The following USP32 variants were observed in gnomAD, a reference collection of about 807,000 sequenced individuals.
USP32 encodes ubiquitin carboxyl-terminal hydrolase 32.
USP32 carries 59 observed loss-of-function variants against 204.8 expected under a neutral mutation model. The ratio of observed to expected loss-of-function variants is 0.29; its 90% CI spans 0.23 to 0.36. USP32 has a LOEUF of 0.36. Among genes scored for constraint, USP32 ranks in the 10% least tolerant of loss-of-function variants. The probability of loss-of-function intolerance (pLI) is 1.00; values close to 1 mark genes in which losing one functional copy is unlikely to be tolerated. For missense variants in USP32, 1,160 were observed against 1,946.4 expected, an observed-to-expected ratio of 0.60 and a Z score of 7.60; for synonymous variants, 517 against 678.4, an observed-to-expected ratio of 0.76 and a Z score of 3.70.
intron 2 of USP32, chr17:60,316,116 C>T: frequency 4.0e-6 from 1 of 247,366 alleles, no homozygotes; most frequent in South Asian, 4.4e-5. Context: ...TGATGGTTGG[C>T]CTTTTTGAAG....
chr17:60,352,689 G>A (rs1361586540), intron 1 of USP32, among the ~76,000 whole-genome samples: 2 of 152,204 alleles, frequency 1.3e-5, no homozygotes, highest in African/African-American at 4.8e-5. Flanking sequence ...CAGAATGGAG[G>A]TATAAAGACC....
intron 5 of USP32, among the ~76,000 whole-genome samples, chr17:60,286,642 A>G (rs2087120690): frequency 6.6e-6 from 1 of 152,218 alleles, no homozygotes; most frequent in African/African-American, 2.4e-5. Context: ...GCCCTGAGAA[A>G]TAAGTAATGT....
chr17:60,314,574 AG>A (rs2087930151), intron 2 of USP32, among the ~76,000 whole-genome samples: 1 of 152,068 alleles, frequency 6.6e-6, no homozygotes, highest in South Asian at 2.1e-4. Context: ...GGGGGAGGAA[AG>A]GAGAGAAAAT....
At position 60,178,058 on chromosome 17, in the gene USP32, C is replaced by T. The variant is rs1185624051; in HGVS notation, c.*1197G>A. On this transcript the variant is annotated 3_prime_UTR_variant, in exon 34 of 34. Transcript: ENST00000300896. ...GAAGTAAGCAAAGAAACATAACTTT[C>T]GATGACTACTGTAAAATTTAAAAAA... 1.3e-5 allele frequency among the ~76,000 whole-genome samples: 2 copies of T among 151,970 alleles called. No homozygotes were observed. Among genetic ancestry groups the T allele is most frequent in the African/African-American group, 2.4e-5 (1 of 41,346 alleles).
Position 60,255,129 on chromosome 17 carries a change from T to C in USP32, c.1074+46A>G, listed in dbSNP as rs747515328. On this transcript the variant is annotated intron_variant, in intron 10 of 33. Coordinates refer to ENST00000300896, the MANE Select transcript of USP32 (RefSeq NM_032582.4). ...CTATATGATGGAAAAGATGTAGAAG[T>C]ACTGGTACTACTACCCTCTGTTGCT... The C allele has an allele frequency of 3.6e-6, 5 of 1,403,500 alleles. No homozygotes were observed. In the African/African-American group the frequency reaches 5.7e-5, roughly 16 times the overall value. The allele number at this position is 1,403,500 out of a possible 1,614,324, so 86.9% of individuals were successfully genotyped here.
At chr17:60,339,104 T>C (rs1188875686) in intron 2 of USP32, among the ~76,000 whole-genome samples, 6 of 150,838 alleles carry the variant, frequency 4.0e-5, no homozygotes, top group Non-Finnish European at 7.4e-5. Context: ...CAGATGGGGG[T>C]TTCACCATGT....
intron 2 of USP32, among the ~76,000 whole-genome samples, chr17:60,309,750 T>C (rs1311258197): frequency 1.3e-5 from 2 of 151,880 alleles, no homozygotes; most frequent in Non-Finnish European, 2.9e-5. Flanking sequence ...ACCCATTATA[T>C]CGAAAAGCAG....
At chr17:60,277,283 A>T (rs2086862474) in intron 5 of USP32, among the ~76,000 whole-genome samples, 1 of 152,222 alleles carries the variant, frequency 6.6e-6, no homozygotes, top group Non-Finnish European at 1.5e-5. Context: ...TGCAGACAAC[A>T]ACTCTTTAAT....
chr17:60,225,697 T>C (rs1029023098), intron 13 of USP32, among the ~76,000 whole-genome samples: 3 of 152,134 alleles, frequency 2.0e-5, no homozygotes, highest in African/African-American at 4.8e-5. Context: ...CTCACGCCTG[T>C]AATCCCAGCA....
intron 1 of USP32, among the ~76,000 whole-genome samples, chr17:60,409,535 TA>T (rs1454607441): frequency 1.3e-5 from 2 of 152,150 alleles, no homozygotes; most frequent in Non-Finnish European, 2.9e-5. Flanking sequence ...TCTATTGCAG[TA>T]AAAAATTACC....
chr17:60,268,407 TAA>T (rs35476884), intron 7 of USP32, among the ~76,000 whole-genome samples: 50 of 138,434 alleles, frequency 3.6e-4, no homozygotes, highest in African/African-American at 7.6e-4. Context: ...TATCTCTATT[TAA>T]AAAAAAAAAA....
Position 60,269,321 on chromosome 17 carries a change from G to A in USP32, c.811+129C>T, listed in dbSNP as rs539167181. On this transcript the variant is annotated intron_variant, in intron 7 of 33. Transcript: ENST00000300896. ...TGACCTCAGTAAAACCCTAACATGA[G>A]ATTAATATTTGTTAATCTGACAAAG... is the stretch of plus-strand genomic sequence containing the variant. 278 of 684,896 alleles carry A rather than the reference G, an allele frequency of 4.1e-4. 9 individuals are homozygous for A. The South Asian group carries it at 5.0e-3, about 12-fold the overall frequency. 42.4% of individuals were successfully genotyped at this position (684,896 alleles called of 1,614,324 possible).
At chr17:60,330,037 C>T (rs532508884) in intron 2 of USP32, among the ~76,000 whole-genome samples, 1 of 152,180 alleles carries the variant, frequency 6.6e-6, no homozygotes, top group Non-Finnish European at 1.5e-5. Context: ...GGTTGTAACT[C>T]CCTTTCCACT....
At chr17:60,350,378 T>C (rs2088921404) in intron 1 of USP32, among the ~76,000 whole-genome samples, 1 of 152,190 alleles carries the variant, frequency 6.6e-6, no homozygotes, top group African/African-American at 2.4e-5. Flanking sequence ...AACCTCCACC[T>C]CCCAGGTTCA....
intron 4 of USP32, among the ~76,000 whole-genome samples, chr17:60,294,347 C>A (rs1469801785): frequency 1.3e-5 from 2 of 151,606 alleles, no homozygotes; most frequent in Non-Finnish European, 2.9e-5. Flanking sequence ...AAAGCAAAGA[C>A]ACTACAACAT....
At chr17:60,239,505 TTC>T (rs758293266) in intron 11 of USP32, among the ~76,000 whole-genome samples, 5 of 152,194 alleles carry the variant, frequency 3.3e-5, no homozygotes, top group Non-Finnish European at 7.3e-5. Context: ...TTTTTCGTCA[TTC>T]TGTTTTCTTT....
chr17:60,286,976 C>T (rs2087130866), intron 5 of USP32, among the ~76,000 whole-genome samples: 1 of 152,126 alleles, frequency 6.6e-6, no homozygotes, highest in Admixed American at 6.5e-5. Context: ...GGTGAAACCC[C>T]TTCTCTGATA....
At position 60,294,714 on chromosome 17, in the gene USP32, A is replaced by G; in HGVS notation, c.380T>C (p.Val127Ala). 1.2e-6 allele frequency: 2 copies of G among 1,612,718 alleles called. No homozygotes were observed. The highest frequency in any genetic ancestry group is 4.5e-5 in the East Asian group (2 of 44,822). Reference protein sequence around the residue: ...ERMLHVVDGKVPDTLRKCFSE... With the variant: ...ERMLHVVDGKAPDTLRKCFSE... ...GAAACACTTCCTGAGTGTATCTGGGACTTTACCATCCACCACGTGGAGCAT... is the reference window on the plus strand; with the variant it reads ...GAAACACTTCCTGAGTGTATCTGGGGCTTTACCATCCACCACGTGGAGCAT... Residue 127 changes from valine to alanine, a missense_variant, in exon 4 of 34, where the codon GTC becomes GCC. By Grantham distance (64) the Val-to-Ala change is moderately conservative (BLOSUM62 0). Coordinates refer to ENST00000300896, the MANE Select transcript of USP32 (RefSeq NM_032582.4).
chr17:60,311,773 T>C (rs7216439), intron 2 of USP32, among the ~76,000 whole-genome samples: 6,943 of 152,140 alleles, frequency 0.046, 565 homozygotes, highest in African/African-American at 0.16. Flanking sequence ...TGCAGTGAGC[T>C]GAGACTGCAC....
Sources: allele counts gnomAD v4.1 joint callset (sites outside exome capture counted in the v4.1 genomes callset), GRCh38; gene constraint gnomAD v4.1.1; transcripts MANE v1.5; gene names NCBI Gene and HGNC (gene_info 2026-07-23, HGNC 2026-07-21).